KCNIP1: variants seen among roughly 807,000 people sequenced by gnomAD.
KCNIP1 encodes the protein potassium voltage-gated channel interacting protein 1.
Under a neutral mutation model 33.0 loss-of-function variants are expected in KCNIP1, and 18 were observed. The ratio of observed to expected loss-of-function variants is 0.55; its 90% CI spans 0.38 to 0.81. The LOEUF is 0.81. KCNIP1 is among the 30% of genes least tolerant of loss of function. The pLI is 0.00. For missense variants in KCNIP1, 238 were observed against 271.6 expected (o/e 0.88, Z 0.87); for synonymous variants, 93 against 98.3 (o/e 0.95, Z 0.32).
chr5:170,373,174 A>C (rs1200191883), intron 1 of KCNIP1, among the ~76,000 whole-genome samples: 1 of 152,242 alleles, frequency 6.6e-6, no homozygotes. Flanking sequence ...ATCAGAGGTG[A>C]CATGAGAAAG....
chr5:170,451,097 C>A (rs894475172), intron 1 of KCNIP1, among the ~76,000 whole-genome samples: 3 of 152,214 alleles, frequency 2.0e-5, no homozygotes, highest in African/African-American at 7.2e-5. Context: ...TCCTGTTGAA[C>A]AATTTCACAG....
intron 1 of KCNIP1, among the ~76,000 whole-genome samples, chr5:170,461,896 TAATTGGCAAGCCACATGTAGGAG>T (rs1188889892): frequency 6.6e-6 from 1 of 152,162 alleles, no homozygotes. Context: ...AGTGCTGGGA[TAATTGGCAAGCCACATGTAGGAG>T]AATGAAACTG....
chr5:170,391,030 T>C (rs1754575853), intron 1 of KCNIP1, among the ~76,000 whole-genome samples: 1 of 152,110 alleles, frequency 6.6e-6, no homozygotes, highest in Admixed American at 6.5e-5. Context: ...GAGACTACAG[T>C]GTCTGTTTAA....
At chr5:170,546,553 C>T (rs544279006) in intron 1 of KCNIP1, among the ~76,000 whole-genome samples, 22 of 152,318 alleles carry the variant, frequency 1.4e-4, no homozygotes, top group African/African-American at 5.1e-4. Flanking sequence ...CCTCAACCCA[C>T]GTCCAGAATC....
At chr5:170,497,995 A>G (rs1338778009) in intron 1 of KCNIP1, among the ~76,000 whole-genome samples, 2 of 152,270 alleles carry the variant, frequency 1.3e-5, no homozygotes, top group Admixed American at 6.5e-5. Context: ...TGCAGTCTAC[A>G]TCAGTCCTGC....
At chr5:170,379,764 C>T (rs1414060541) in intron 1 of KCNIP1, among the ~76,000 whole-genome samples, 1 of 151,982 alleles carries the variant, frequency 6.6e-6, no homozygotes, top group Admixed American at 6.5e-5. Context: ...GCCTAGGCAA[C>T]ATAGCAAGAC....
intron 1 of KCNIP1, among the ~76,000 whole-genome samples, chr5:170,483,415 C>T (rs1306352160): frequency 1.3e-5 from 2 of 152,224 alleles, no homozygotes; most frequent in Non-Finnish European, 2.9e-5. Flanking sequence ...ATTTTAAGAC[C>T]ACATCTCCTG....
intron 5 of KCNIP1, among the ~76,000 whole-genome samples, chr5:170,723,440 CT>C (rs1006219364): frequency 5.9e-5 from 9 of 152,216 alleles, no homozygotes; most frequent in African/African-American, 2.2e-4. Flanking sequence ...CCACTGTATC[CT>C]GGTATCTCAG....
At chr5:170,514,817 T>C (rs1317449889) in intron 1 of KCNIP1, among the ~76,000 whole-genome samples, 2 of 152,348 alleles carry the variant, frequency 1.3e-5, no homozygotes, top group African/African-American at 4.8e-5. Context: ...CCAAGGACTG[T>C]GCAAGGTGTT....
intron 1 of KCNIP1, among the ~76,000 whole-genome samples, chr5:170,599,077 C>T (rs1025724394): frequency 2.6e-5 from 4 of 152,068 alleles, no homozygotes; most frequent in African/African-American, 7.2e-5. Context: ...GGGTTGAGGG[C>T]TGCTGGTGTC....
chr5:170,510,771 A>G (rs141878028), intron 1 of KCNIP1, among the ~76,000 whole-genome samples: 1 of 152,306 alleles, frequency 6.6e-6, no homozygotes, highest in East Asian at 1.9e-4. Flanking sequence ...GGGAAGTAGG[A>G]ACCACATTCC....
At chr5:170,631,583 C>G (rs866118254) in intron 1 of KCNIP1, among the ~76,000 whole-genome samples, 53 of 152,236 alleles carry the variant, frequency 3.5e-4, no homozygotes, top group African/African-American at 1.2e-3. Flanking sequence ...AGAAGGGAAG[C>G]TGTCTTCCAC....
chr5:170,732,624 G>T (rs1393163587), intron 5 of KCNIP1, among the ~76,000 whole-genome samples, 176 bp from the exon 6 acceptor site: 1 of 151,876 alleles, frequency 6.6e-6, no homozygotes, highest in Non-Finnish European at 1.5e-5. Context: ...TCTAAGAAGG[G>T]CTCCCACAAT....
chr5:170,734,246 G>T (rs928639932), intron 7 of KCNIP1, among the ~76,000 whole-genome samples: 2 of 66,246 alleles, frequency 3.0e-5, no homozygotes, highest in Non-Finnish European at 6.4e-5. Flanking sequence ...CAAGGAAGCA[G>T]CTGGGGGGAA....
intron 1 of KCNIP1, among the ~76,000 whole-genome samples, chr5:170,354,706 A>G (rs1225050858): frequency 6.6e-6 from 1 of 152,244 alleles, no homozygotes; most frequent in Non-Finnish European, 1.5e-5. Context: ...GGAGGCAGAA[A>G]GAAGGCTAAC....
chr5:170,708,837 T>C (rs950582660), intron 1 of KCNIP1, among the ~76,000 whole-genome samples: 1 of 152,154 alleles, frequency 6.6e-6, no homozygotes, highest in Non-Finnish European at 1.5e-5. Flanking sequence ...AGGCAGAGGT[T>C]GCAGTGAGTG....
chr5:170,381,405 C>A (rs538531164), intron 1 of KCNIP1, among the ~76,000 whole-genome samples: 30 of 152,360 alleles, frequency 2.0e-4, no homozygotes, highest in African/African-American at 7.0e-4. Flanking sequence ...CAGACTATGG[C>A]CCCTACCTTC....
intron 1 of KCNIP1, among the ~76,000 whole-genome samples, chr5:170,614,561 TA>T (rs2113625017): frequency 6.6e-6 from 1 of 152,342 alleles, no homozygotes; most frequent in Non-Finnish European, 1.5e-5. Context: ...TTTTTAAACG[TA>T]AAAAGGGGAT....
intron 1 of KCNIP1, among the ~76,000 whole-genome samples, chr5:170,512,576 A>T (rs75025321): frequency 0.034 from 5,205 of 152,300 alleles, 141 homozygotes; most frequent in African/African-American, 0.066. Context: ...CTAGAAAATG[A>T]AAGTATTGTT....
Sources: gnomAD v4.1 joint callset for allele counts (sites outside exome capture counted in the v4.1 genomes callset) on GRCh38, gnomAD v4.1.1 for gene constraint, MANE v1.5 for transcripts, NCBI Gene and HGNC (gene_info 2026-07-23, HGNC 2026-07-21) for gene names.